CFAP47: variants seen among roughly 807,000 people sequenced by gnomAD.
The protein encoded by CFAP47 is cilia- and flagella-associated protein 47.
Under a neutral mutation model 148.1 loss-of-function variants are expected in CFAP47, and 29 were observed. The ratio of observed to expected loss-of-function variants is 0.20; its 90% CI spans 0.15 to 0.27. The LOEUF (loss-of-function observed/expected upper bound fraction) is 0.27. Among genes scored for constraint, CFAP47 ranks in the 10% least tolerant of loss-of-function variants. The pLI, the probability that CFAP47 is intolerant of heterozygous loss-of-function variation, is 1.00. For missense variants in CFAP47, 1,872 were observed against 1,697.5 expected, an observed-to-expected ratio of 1.10 and a Z score of -1.81; for synonymous variants, 664 against 577.3, an observed-to-expected ratio of 1.15 and a Z score of -2.15.
chrX:36,186,781 C>G (rs1359844703), intron 40 of CFAP47, among the ~76,000 whole-genome samples: 1 of 111,094 alleles, frequency 9.0e-6, no homozygotes, highest in African/African-American at 3.3e-5. Context: ...CCCTTCACAC[C>G]TCAAAAGTAG....
chrX:36,051,417 G>A (rs745582450), intron 26 of CFAP47, among the ~76,000 whole-genome samples: 1 of 112,102 alleles, frequency 8.9e-6, no homozygotes, highest in Admixed American at 9.5e-5. Flanking sequence ...TCTTGTATCA[G>A]TGTGACCTGG....
At chrX:36,159,865 T>C (rs781331227) in intron 38 of CFAP47, among the ~76,000 whole-genome samples, 2 of 111,996 alleles carry the variant, frequency 1.8e-5, no homozygotes, top group Non-Finnish European at 3.8e-5. Flanking sequence ...AAGATAAGAC[T>C]AATGCTGGCA....
intron 21 of CFAP47, among the ~76,000 whole-genome samples, chrX:36,010,731 A>G (rs1197774738): frequency 9.0e-6 from 1 of 111,191 alleles, no homozygotes; most frequent in East Asian, 2.8e-4. Context: ...GTGTTTTGTC[A>G]TTTTTATAAT....
intron 60 of CFAP47, among the ~76,000 whole-genome samples, chrX:36,356,480 T>C (rs1941786791): frequency 9.0e-6 from 1 of 111,543 alleles, no homozygotes; most frequent in African/African-American, 3.3e-5. Flanking sequence ...TAAAGACATA[T>C]GGCAATAACT....
chrX:36,348,294 A>T lies in CFAP47; in HGVS notation c.8603+6A>T, dbSNP rs782616169. 3.1e-6 allele frequency: 3 copies of T among 957,261 alleles called. No individual in the cohort carries two copies. The highest frequency in any genetic ancestry group is 7.0e-5 in the South Asian group (2 of 28,463). The allele number at this position is 957,261 out of a possible 1,213,427, so 78.9% of individuals were successfully genotyped here. A position where few individuals can be genotyped will look rare whatever the true frequency, so the allele number is the denominator to read the frequency against. On this transcript the variant is annotated splice_donor_region_variant and intron_variant, in intron 58 of 63. Transcript: ENST00000378653. ...TTGGATATAAAATTTAAAAGGTAAC[A>T]TTTAAATAAAGACATTGAAGGAAAA... is the stretch of plus-strand genomic sequence containing the variant.
At chrX:36,340,130 A>T (rs1941640532) in intron 57 of CFAP47, among the ~76,000 whole-genome samples, 1 of 111,824 alleles carries the variant, frequency 8.9e-6, no homozygotes, top group Admixed American at 9.6e-5. Flanking sequence ...TAATCCCTTA[A>T]ATGCCCTTCT....
Position 36,098,395 on chromosome X carries a change from T to G in CFAP47, c.4917-398T>G, listed in dbSNP as rs181185264. The stretch of plus-strand genomic sequence containing the variant: ...GTATCTGTATTTGGGCATTGAAGAG[T>G]TACAATTAGCTGGTGGCAAAGCCAG... On this transcript the variant is annotated intron_variant, in intron 30 of 63. Coordinates refer to ENST00000378653, the MANE Select transcript of CFAP47 (RefSeq NM_001304548.2). 8.1e-5 allele frequency among the ~76,000 whole-genome samples: 9 copies of G among 111,592 alleles called. No individual in the cohort carries two copies. In the East Asian group the frequency reaches 2.6e-3, roughly 32 times the overall value.
At chrX:36,250,740 C>T (rs960350787) in intron 48 of CFAP47, among the ~76,000 whole-genome samples, 2 of 109,968 alleles carry the variant, frequency 1.8e-5, no homozygotes, top group Non-Finnish European at 3.8e-5. Context: ...ATAAAAAAGT[C>T]AGTGACAAAA....
chrX:36,172,467 C>T (rs1455553732), intron 39 of CFAP47, among the ~76,000 whole-genome samples: 73 of 107,537 alleles, frequency 6.8e-4, no homozygotes, highest in South Asian at 2.5e-3. Context: ...TTTTGAGATA[C>T]GTCCCATCAA....
Position 36,355,904 on chromosome X carries a change from A to G in CFAP47, c.8851+2223A>G, listed in dbSNP as rs7064608. 4.4e-3 allele frequency among the ~76,000 whole-genome samples: 491 copies of G among 112,199 alleles called. 3 individuals are homozygous for G. Among genetic ancestry groups the G allele is most frequent in the African/African-American group, 0.015 (464 of 30,946 alleles). ...AAGGAAGGTAAATAAATGCTTATAC[A>G]TATAAACCATTTTAACATGTTCTTG... On this transcript the variant is annotated intron_variant, in intron 60 of 63. Transcript: ENST00000378653.
chrX:36,085,959 A>T (rs1178049673), intron 30 of CFAP47, among the ~76,000 whole-genome samples: 1 of 110,912 alleles, frequency 9.0e-6, no homozygotes, highest in African/African-American at 3.3e-5. Context: ...TCATTTTGAA[A>T]ATCCTGGTCT....
intron 10 of CFAP47, among the ~76,000 whole-genome samples, chrX:35,969,452 T>C (rs900834618): frequency 9.0e-6 from 1 of 111,309 alleles, no homozygotes; most frequent in African/African-American, 3.3e-5. Context: ...TGAGGAAAAA[T>C]ATTTTATTTC....
intron 49 of CFAP47, among the ~76,000 whole-genome samples, chrX:36,265,761 G>T (rs782612054): frequency 2.7e-5 from 3 of 111,657 alleles, no homozygotes; most frequent in Admixed American, 9.4e-5. Context: ...TGATTTTTTT[G>T]GGGGGTAAAA....
intron 49 of CFAP47, among the ~76,000 whole-genome samples, chrX:36,270,896 C>T (rs1381086810): frequency 9.1e-6 from 1 of 109,454 alleles, no homozygotes; most frequent in African/African-American, 3.3e-5. Context: ...TTTTTTCTTA[C>T]ATGAATCGGA....
chrX:36,205,343 G>A (rs1940028340), intron 45 of CFAP47, among the ~76,000 whole-genome samples: 1 of 111,861 alleles, frequency 8.9e-6, no homozygotes, highest in African/African-American at 3.2e-5. Flanking sequence ...CTAAATTACT[G>A]GTACTGAAAC....
intron 21 of CFAP47, among the ~76,000 whole-genome samples, chrX:36,011,118 C>T (rs1937034506): frequency 8.9e-6 from 1 of 111,943 alleles, no homozygotes; most frequent in African/African-American, 3.3e-5. Flanking sequence ...CTTTGCTATG[C>T]ATGGTCACTG....
At chrX:35,931,147 AT>A (rs908358960) in intron 2 of CFAP47, among the ~76,000 whole-genome samples, 2 of 110,628 alleles carry the variant, frequency 1.8e-5, no homozygotes, top group African/African-American at 6.6e-5. Flanking sequence ...TATGTATTTA[AT>A]TTTTTTTAAA....
intron 32 of CFAP47, among the ~76,000 whole-genome samples, chrX:36,104,298 A>G (rs1178867887): frequency 8.9e-6 from 1 of 112,083 alleles, no homozygotes; most frequent in Non-Finnish European, 1.9e-5. Context: ...TAAATACCAC[A>G]GAAGCAAAAA....
intron 48 of CFAP47, among the ~76,000 whole-genome samples, chrX:36,239,001 T>G (rs1451299319): frequency 4.4e-5 from 5 of 112,459 alleles, no homozygotes; most frequent in African/African-American, 1.6e-4. Context: ...TAACTATTTT[T>G]ATGATGCTTT....
Sources: allele counts gnomAD v4.1 joint callset (sites outside exome capture counted in the v4.1 genomes callset), GRCh38; gene constraint gnomAD v4.1.1; transcripts MANE v1.5; gene names NCBI Gene and HGNC (gene_info 2026-07-23, HGNC 2026-07-21).